Variants in DDX24 observed in about 807,000 individuals in gnomAD.
DDX24 encodes the protein ATP-dependent RNA helicase DDX24.
A neutral mutation model predicts 68.9 loss-of-function variants in DDX24; 24 were observed. The observed-to-expected ratio is 0.35, with a 90% CI of 0.25 to 0.49. DDX24 has a LOEUF of 0.49. Among genes scored for constraint, DDX24 ranks in the 20% least tolerant of loss-of-function variants. DDX24 has a pLI of 0.99. For synonymous variants in DDX24, 395 were observed against 385.2 expected, an observed-to-expected ratio of 1.03 and a Z score of -0.30; for missense variants, 989 against 1,039.0, an observed-to-expected ratio of 0.95 and a Z score of 0.66.
In DDX24 at chr14:94,050,655, C is replaced by T. The variant is rs1451374140; in HGVS notation, c.*536G>A. 6.6e-6 allele frequency: 1 copy of T among 152,440 alleles called. No individual in the cohort carries two copies. The highest frequency in any genetic ancestry group is 1.5e-5 in the Non-Finnish European group (1 of 68,248). 9.4% of individuals were successfully genotyped at this position (152,440 alleles called of 1,614,324 possible). On this transcript the variant is annotated 3_prime_UTR_variant, in exon 9 of 9. Coordinates refer to ENST00000621632, the MANE Select transcript of DDX24 (RefSeq NM_020414.4). Reference sequence around the variant, plus strand: ...CTCCCACGGTGGCTCAGACAATACCCAGGAGAGTGGAGAGAGCTAAGGAGC... The same window carrying T: ...CTCCCACGGTGGCTCAGACAATACCTAGGAGAGTGGAGAGAGCTAAGGAGC...
At chr14:94,072,568 G>A (rs1478053236) in intron 2 of DDX24, among the ~76,000 whole-genome samples, 2 of 152,164 alleles carry the variant, frequency 1.3e-5, no homozygotes, top group Non-Finnish European at 2.9e-5. Context: ...AGTGGCTCAC[G>A]CCTGTAATCC....
intron 5 of DDX24, among the ~76,000 whole-genome samples, chr14:94,059,879 A>G (rs533422545): frequency 6.6e-6 from 1 of 151,988 alleles, no homozygotes; most frequent in East Asian, 1.9e-4. Context: ...ACCTATATTC[A>G]TTAGTATTGA....
Position 94,054,981 on chromosome 14 carries a change from T to G in DDX24, c.2178+15A>C, listed in dbSNP as rs1258021970. ...CAATCCCTTCATTAGCACTGGGGTTTTAACTGCTTTCTACCTTGACCACAT... is the reference window on the plus strand; with the variant it reads ...CAATCCCTTCATTAGCACTGGGGTTGTAACTGCTTTCTACCTTGACCACAT... On this transcript the variant is annotated intron_variant, in intron 7 of 8. Transcript: ENST00000621632. 1 of 1,612,626 alleles carries G rather than the reference T, an allele frequency of 6.2e-7. No individual in the cohort carries two copies. Among genetic ancestry groups the G allele is most frequent in the East Asian group, 2.2e-5 (1 of 44,870 alleles).
intron 2 of DDX24, among the ~76,000 whole-genome samples, chr14:94,071,645 G>A (rs1479111664): frequency 2.0e-5 from 3 of 147,460 alleles, no homozygotes; most frequent in Non-Finnish European, 3.0e-5. Flanking sequence ...GTGAGCCTTT[G>A]ACTTAAAAAA....
intron 6 of DDX24, chr14:94,057,310 G>A (rs1885508852): frequency 6.6e-6 from 1 of 152,576 alleles, no homozygotes; most frequent in Admixed American, 6.5e-5. Context: ...ATGAGTAAGT[G>A]CTTGCAATGT....
At position 94,079,462 on chromosome 14, in the gene DDX24, G is replaced by A. The variant is rs778532430; in HGVS notation, c.281C>T (p.Ser94Leu). The change falls in exon 2 of 9, where the codon TCA (serine) becomes TTA (leucine). Residue 94 changes from serine to leucine, a missense_variant. Ser to Leu is a moderately radical substitution (Grantham distance 145). Coordinates refer to ENST00000621632, the MANE Select transcript of DDX24 (RefSeq NM_020414.4). ...EEEEEEGKSS[S>L]PKKKIKLKKS... ...CTTCAACTTGATCTTTTTCTTTGGT[G>A]AGCTAGACTTTCCCTCCTCCTCCTC... 1 of 1,613,904 alleles carries A rather than the reference G, an allele frequency of 6.2e-7. No individual in the cohort carries two copies. Among genetic ancestry groups the A allele is most frequent in the Non-Finnish European group, 8.5e-7 (1 of 1,180,014 alleles).
intron 2 of DDX24, among the ~76,000 whole-genome samples, chr14:94,069,309 G>C (rs1266564404): frequency 6.6e-6 from 1 of 151,992 alleles, no homozygotes; most frequent in East Asian, 1.9e-4. Flanking sequence ...CCTAGCTTAA[G>C]TCAGGAAGAA....
chr14:94,057,910 G>A lies in DDX24; in HGVS notation c.1914-13C>T. ...CAAGAGAACACAGCTGGGGTAGAGA[G>A]AGAAAGCTTATTAATAATAACTAAC... On this transcript the variant is annotated splice_polypyrimidine_tract_variant and intron_variant, in intron 5 of 8. Transcript: ENST00000621632. 2 of 1,611,544 alleles carry A rather than the reference G, an allele frequency of 1.2e-6. No individual in the cohort carries two copies. Among genetic ancestry groups the A allele is most frequent in the Admixed American group, 1.7e-5 (1 of 59,294 alleles).
intron 5 of DDX24, 75 bp downstream of exon 5, chr14:94,060,023 T>C: frequency 6.7e-7 from 1 of 1,497,746 alleles, no homozygotes. Flanking sequence ...TTTTCTACCA[T>C]TTCCCCACCA....
rs766994382 is a variant in DDX24 at position 94,079,329 on chromosome 14, C to G, written c.414G>C (p.Glu138Asp). Residue 138 changes from glutamate to aspartate, a missense_variant, in exon 2 of 9, where the codon GAG becomes GAC. Physicochemically the swap from Glu to Asp is conservative, Grantham distance 45. Transcript: ENST00000621632. ...GGTTTTCTGATGTCATCTCCCCAGC[C>G]TCCGGATCATCACAAACCATGTCAT... ...QGDDMVCDDPEAGEMTSENLV... is the reference protein window; with the variant it reads ...QGDDMVCDDPDAGEMTSENLV... 2 of 1,614,016 alleles carry G rather than the reference C, an allele frequency of 1.2e-6. No individual in the cohort carries two copies. The highest frequency in any genetic ancestry group is 1.7e-6 in the Non-Finnish European group (2 of 1,180,042).
At chr14:94,078,832 A>G (rs573923236) in intron 2 of DDX24, 193 bp downstream of exon 2, 7 of 612,644 alleles carry the variant, frequency 1.1e-5, no homozygotes, top group African/African-American at 7.4e-5. Context: ...GAGAGAGATA[A>G]AAGTGATCTG....
At chr14:94,067,145 T>TA (rs1163655836) in intron 2 of DDX24, among the ~76,000 whole-genome samples, 1 of 151,688 alleles carries the variant, frequency 6.6e-6, no homozygotes, top group Non-Finnish European at 1.5e-5. Context: ...GAGAAAACAA[T>TA]AAAAAATTCA....
intron 5 of DDX24, among the ~76,000 whole-genome samples, chr14:94,058,352 CAT>C (rs937201194): frequency 6.6e-6 from 1 of 152,184 alleles, no homozygotes; most frequent in African/African-American, 2.4e-5. Flanking sequence ...CTCAGATGTC[CAT>C]ATGACTCACT....
chr14:94,068,528 C>T (rs910830422), intron 2 of DDX24, among the ~76,000 whole-genome samples: 1 of 152,158 alleles, frequency 6.6e-6, no homozygotes, highest in Admixed American at 6.5e-5. Context: ...CAGATATATA[C>T]AGAACATTTC....
chr14:94,066,060 AG>A (rs1281854131), intron 2 of DDX24, among the ~76,000 whole-genome samples: 5 of 152,208 alleles, frequency 3.3e-5, no homozygotes, highest in African/African-American at 4.8e-5. Flanking sequence ...AGGTAGGGGA[AG>A]AACTAAAGCC....
chr14:94,067,249 AG>A (rs1885724422), intron 2 of DDX24, among the ~76,000 whole-genome samples: 1 of 151,758 alleles, frequency 6.6e-6, no homozygotes, highest in Non-Finnish European at 1.5e-5. Context: ...CAGAGCTCAA[AG>A]ACAAGATCTT....
At chr14:94,080,905 C>T (rs1054857821) in intron 1 of DDX24, among the ~76,000 whole-genome samples, 1 of 152,162 alleles carries the variant, frequency 6.6e-6, no homozygotes, top group Non-Finnish European at 1.5e-5. Context: ...AACCGAGAAG[C>T]CGAGAAGCCA....
intron 6 of DDX24, chr14:94,056,313 TG>T (rs1424506777): frequency 6.6e-6 from 1 of 152,204 alleles, no homozygotes; most frequent in East Asian, 1.9e-4. Flanking sequence ...AGTTTCAGGA[TG>T]GGGGCTGGTC....
chr14:94,076,680 CAAAAA>C (rs35863241), intron 2 of DDX24, among the ~76,000 whole-genome samples: 1 of 100,184 alleles, frequency 1.0e-5, no homozygotes, highest in Non-Finnish European at 2.1e-5. Flanking sequence ...GACTCCGTCT[CAAAAA>C]AAAAAAAAAA....
Sources: allele counts gnomAD v4.1 joint callset (sites outside exome capture counted in the v4.1 genomes callset), GRCh38; gene constraint gnomAD v4.1.1; transcripts MANE v1.5; gene names NCBI Gene and HGNC (gene_info 2026-07-23, HGNC 2026-07-21).